Variants in TRAPPC9 observed in about 807,000 individuals in gnomAD.
TRAPPC9 encodes the protein trafficking protein particle complex subunit 9.
A neutral mutation model predicts 124.0 loss-of-function variants in TRAPPC9; 83 were observed. The ratio of observed to expected loss-of-function variants is 0.67; its 90% confidence interval spans 0.56 to 0.80. The LOEUF (loss-of-function observed/expected upper bound fraction) is 0.80. Among genes scored for constraint, TRAPPC9 ranks in the 30% least tolerant of loss-of-function variants. The pLI is 0.00. For synonymous variants in TRAPPC9, 638 were observed against 617.5 expected (o/e 1.03, Z -0.49); for missense variants, 1,302 against 1,508.3 (o/e 0.86, Z 2.27).
chr8:139,960,597 G>A (rs1006868444), intron 19 of TRAPPC9, among the ~76,000 whole-genome samples: 1 of 128,580 alleles, frequency 7.8e-6, no homozygotes, highest in African/African-American at 2.5e-5. Context: ...ACTGTGACAG[G>A]TGACCCAGCT....
intron 13 of TRAPPC9, among the ~76,000 whole-genome samples, chr8:140,285,685 G>A (rs936211313): frequency 9.9e-5 from 15 of 151,544 alleles, no homozygotes; most frequent in African/African-American, 3.4e-4. Context: ...TTTCTGCCTG[G>A]AACCCTCTTT....
At chr8:140,076,966 G>A (rs1053397034) in intron 17 of TRAPPC9, among the ~76,000 whole-genome samples, 5 of 152,060 alleles carry the variant, frequency 3.3e-5, no homozygotes, top group Non-Finnish European at 1.5e-5. Context: ...AGGAGTTTAA[G>A]ACCAGCCTGG....
chr8:140,308,667 G>A (rs1410797080), intron 10 of TRAPPC9, among the ~76,000 whole-genome samples: 2 of 152,110 alleles, frequency 1.3e-5, no homozygotes, highest in Admixed American at 1.3e-4. Flanking sequence ...CGGATCACGA[G>A]GTCAGGAGTT....
chr8:140,405,099 A>G (rs2069445464), intron 6 of TRAPPC9, among the ~76,000 whole-genome samples: 1 of 152,186 alleles, frequency 6.6e-6, no homozygotes, highest in Admixed American at 6.5e-5. Flanking sequence ...TAGTAAGTAC[A>G]TTTGGAATGC....
chr8:140,168,297 G>A (rs867595283), intron 17 of TRAPPC9, among the ~76,000 whole-genome samples: 9 of 152,276 alleles, frequency 5.9e-5, no homozygotes, highest in Non-Finnish European at 7.4e-5. Flanking sequence ...CTCCAGTGAC[G>A]AATGGTTCGG....
chr8:140,109,949 C>A (rs1279163982), intron 17 of TRAPPC9, among the ~76,000 whole-genome samples: 3 of 152,152 alleles, frequency 2.0e-5, no homozygotes, highest in African/African-American at 7.2e-5. Context: ...TCATGCTGAA[C>A]ATGCTCTGTA....
At chr8:140,413,019 TAACACTCGCTAAGTGTC>T (rs1439799455) in intron 5 of TRAPPC9, among the ~76,000 whole-genome samples, 1 of 152,174 alleles carries the variant, frequency 6.6e-6, no homozygotes, top group East Asian at 1.9e-4. Context: ...TACACACTCA[TAACACTCGCTAAGTGTC>T]AGGTGCTGAG....
chr8:139,931,626 G>A (rs967861740), intron 19 of TRAPPC9: 8 of 152,480 alleles, frequency 5.2e-5, no homozygotes, highest in Non-Finnish European at 8.8e-5. Flanking sequence ...TGCATGCTAC[G>A]GGGCTATCAA....
intron 2 of TRAPPC9, among the ~76,000 whole-genome samples, chr8:140,448,801 G>T (rs2071355208): frequency 6.6e-6 from 1 of 152,202 alleles, no homozygotes; most frequent in African/African-American, 2.4e-5. Context: ...GCAGCAGAAG[G>T]CAACAAGGTG....
At chr8:140,377,605 T>C (rs79136262) in intron 7 of TRAPPC9, among the ~76,000 whole-genome samples, 4,206 of 152,094 alleles carry the variant, frequency 0.028, 223 homozygotes, top group African/African-American at 0.095. Context: ...AAGTTCTGAG[T>C]TTCTTTAAGT....
intron 21 of TRAPPC9, among the ~76,000 whole-genome samples, chr8:139,854,091 C>T (rs1001047398): frequency 3.3e-5 from 5 of 152,152 alleles, no homozygotes; most frequent in Non-Finnish European, 5.9e-5. Flanking sequence ...CATCTGACCA[C>T]GTTTTTGCCT....
chr8:139,885,801 C>T (rs549154823), intron 21 of TRAPPC9, 78 bp downstream of exon 21: 4 of 1,403,642 alleles, frequency 2.8e-6, no homozygotes, highest in African/African-American at 2.9e-5. Flanking sequence ...CCAGCCACAC[C>T]CCCCAAGACC....
In TRAPPC9 at chr8:139,729,220, G is replaced by A. The variant is rs983499925; in HGVS notation, c.*1841C>T. 6.6e-6 allele frequency among the ~76,000 whole-genome samples: 1 copy of A among 152,242 alleles called. No homozygotes were observed. The highest frequency in any genetic ancestry group is 2.4e-5 in the African/African-American group (1 of 41,462). ...AAACATGTTGTTATAGACACGTTCTGAGGCATAGAAAATTTATAATTTGGG... is the reference window on the plus strand; with the variant it reads ...AAACATGTTGTTATAGACACGTTCTAAGGCATAGAAAATTTATAATTTGGG... On this transcript the variant is annotated 3_prime_UTR_variant, in exon 23 of 23. Transcript: ENST00000438773.
chr8:140,450,642 G>C, intron 2 of TRAPPC9, 148 bp downstream of exon 2: 2 of 720,482 alleles, frequency 2.8e-6, no homozygotes, highest in Non-Finnish European at 4.7e-6. Flanking sequence ...TTTTTTAGCA[G>C]CACTCAAACA....
Position 140,135,542 on chromosome 8 carries a change from C to A in TRAPPC9, c.2556+85917G>T, listed in dbSNP as rs543842370. On this transcript the variant is annotated intron_variant, in intron 17 of 22. Transcript: ENST00000438773. The stretch of plus-strand genomic sequence containing the variant: ...GTGAAATAAGCCAGGCACAAAAGGA[C>A]AAATACTGTATAATTCCACATACTG... Among the ~76,000 whole-genome samples, 3 of 152,260 alleles carry A rather than the reference C, an allele frequency of 2.0e-5. No individual in the cohort carries two copies. In the East Asian group the frequency reaches 5.8e-4, roughly 29 times the overall value.
At chr8:140,157,895 G>T (rs931133006) in intron 17 of TRAPPC9, among the ~76,000 whole-genome samples, 36 of 152,030 alleles carry the variant, frequency 2.4e-4, no homozygotes. Context: ...ATAAGAACAG[G>T]ATCATATCAT....
intron 17 of TRAPPC9, among the ~76,000 whole-genome samples, chr8:140,187,788 C>T (rs1281469872): frequency 2.0e-5 from 3 of 152,194 alleles, no homozygotes; most frequent in Non-Finnish European, 4.4e-5. Flanking sequence ...GATCCTCCCA[C>T]CTCTGCCTCC....
intron 9 of TRAPPC9, among the ~76,000 whole-genome samples, chr8:140,358,181 G>A (rs2067812205): frequency 6.6e-6 from 1 of 152,206 alleles, no homozygotes; most frequent in East Asian, 1.9e-4. Flanking sequence ...TGGGCTTTAT[G>A]AGGACTGCTT....
At chr8:140,142,204 C>T (rs2061392866) in intron 17 of TRAPPC9, among the ~76,000 whole-genome samples, 1 of 152,248 alleles carries the variant, frequency 6.6e-6, no homozygotes. Context: ...AAGACATGTC[C>T]TCAGACACAC....
Sources: allele counts gnomAD v4.1 joint callset (sites outside exome capture counted in the v4.1 genomes callset), GRCh38; gene constraint gnomAD v4.1.1; transcripts MANE v1.5; gene names NCBI Gene and HGNC (gene_info 2026-07-23, HGNC 2026-07-21).